The following HCN1 variants were observed in gnomAD, a reference collection of about 807,000 sequenced individuals.
HCN1 encodes potassium/sodium hyperpolarization-activated cyclic nucleotide-gated channel 1.
Under a neutral mutation model 78.9 loss-of-function variants are expected in HCN1, and 13 were observed. The ratio of observed to expected loss-of-function variants is 0.16; its 90% confidence interval spans 0.11 to 0.26. The LOEUF (loss-of-function observed/expected upper bound fraction) is 0.26, where lower values mean the gene tolerates loss of function less well. HCN1 is among the 10% of genes least tolerant of loss of function. The pLI is 1.00. For missense variants in HCN1, 810 were observed against 1,154.3 expected, an observed-to-expected ratio of 0.70 and a Z score of 4.32; for synonymous variants, 552 against 455.5, an observed-to-expected ratio of 1.21 and a Z score of -2.70.
chr5:45,608,630 T>C (rs1561218585), intron 2 of HCN1, among the ~76,000 whole-genome samples: 1 of 151,992 alleles, frequency 6.6e-6, no homozygotes, highest in Non-Finnish European at 1.5e-5. Context: ...TTACACAGTA[T>C]ATGAAAATCA....
At chr5:45,343,862 TA>T (rs556971160) in intron 5 of HCN1, among the ~76,000 whole-genome samples, 316 of 151,350 alleles carry the variant, frequency 2.1e-3, no homozygotes, top group Middle Eastern at 3.4e-3. Context: ...AAATTAAAAA[TA>T]AAAAAAATAT....
chr5:45,583,083 T>C lies in HCN1; in HGVS notation c.849+62102A>G, dbSNP rs540711691. Among the ~76,000 whole-genome samples, 9 of 152,292 alleles carry C rather than the reference T, an allele frequency of 5.9e-5. No individual in the cohort carries two copies. In the Middle Eastern group the frequency reaches 0.01, roughly 173 times the overall value. On this transcript the variant is annotated intron_variant, in intron 2 of 7. Coordinates refer to ENST00000303230, the MANE Select transcript of HCN1 (RefSeq NM_021072.4). ...TTCCCTCTTTGTCTATTGATTGGAA[T>C]AGTTTCAGAAGGAATGGTACCAGCT...
At chr5:45,366,801 C>A (rs1250940301) in intron 4 of HCN1, among the ~76,000 whole-genome samples, 1 of 151,696 alleles carries the variant, frequency 6.6e-6, no homozygotes, top group African/African-American at 2.4e-5. Context: ...AAAATTCTAA[C>A]AAAGATATTC....
chr5:45,291,120 C>G lies in HCN1; in HGVS notation c.1618+12479G>C, dbSNP rs955683356. On this transcript the variant is annotated intron_variant, in intron 6 of 7. Transcript: ENST00000303230. ...GAGGTCATATCTTAGACTTTGTTAT[C>G]ACCAATAGCTTAACTAATTCCAAAA... 9.9e-5 allele frequency among the ~76,000 whole-genome samples: 15 copies of G among 151,914 alleles called. 1 individual carries two copies. The highest frequency in any genetic ancestry group is 3.6e-4 in the African/African-American group (15 of 41,388).
intron 4 of HCN1, among the ~76,000 whole-genome samples, chr5:45,367,486 T>C (rs1346881989): frequency 1.3e-5 from 2 of 151,874 alleles, no homozygotes; most frequent in South Asian, 2.1e-4. Flanking sequence ...TGCTTTGAAT[T>C]TGATAGCAAC....
intron 2 of HCN1, among the ~76,000 whole-genome samples, chr5:45,472,671 T>C (rs1741416685): frequency 6.6e-6 from 1 of 151,062 alleles, no homozygotes; most frequent in South Asian, 2.1e-4. Context: ...GAGATCCCAG[T>C]TCAGAAACAT....
intron 4 of HCN1, among the ~76,000 whole-genome samples, chr5:45,380,537 C>T (rs189759255): frequency 6.6e-6 from 1 of 152,034 alleles, no homozygotes; most frequent in Admixed American, 6.6e-5. Flanking sequence ...TTCTGGGTTA[C>T]TAAATATGTT....
intron 2 of HCN1, among the ~76,000 whole-genome samples, chr5:45,613,005 CT>C (rs1188603419): frequency 6.6e-6 from 1 of 151,988 alleles, no homozygotes; most frequent in Non-Finnish European, 1.5e-5. Context: ...GGAAGGAATT[CT>C]TTTTTTTATT....
intron 4 of HCN1, among the ~76,000 whole-genome samples, chr5:45,384,853 T>C (rs979014315): frequency 3.3e-5 from 5 of 152,172 alleles, no homozygotes; most frequent in Admixed American, 2.6e-4. Flanking sequence ...GTTAGAGGTA[T>C]AAATGTGGAA....
At chr5:45,587,608 T>C (rs574958737) in intron 2 of HCN1, among the ~76,000 whole-genome samples, 1 of 150,788 alleles carries the variant, frequency 6.6e-6, no homozygotes, top group South Asian at 2.1e-4. Flanking sequence ...AAATGACGAG[T>C]GAATGGGTGC....
chr5:45,339,344 A>G (rs985857870), intron 5 of HCN1, among the ~76,000 whole-genome samples: 6 of 152,202 alleles, frequency 3.9e-5, no homozygotes, highest in African/African-American at 1.4e-4. Flanking sequence ...GGTAACTTAT[A>G]AATGGTAAAA....
chr5:45,623,879 G>A (rs1046719003), intron 2 of HCN1, among the ~76,000 whole-genome samples: 1 of 152,192 alleles, frequency 6.6e-6, no homozygotes, highest in Non-Finnish European at 1.5e-5. Flanking sequence ...TTTATATAAA[G>A]TAGTCAAGGA....
At chr5:45,652,014 A>G (rs1314405828) in intron 1 of HCN1, among the ~76,000 whole-genome samples, 2 of 151,992 alleles carry the variant, frequency 1.3e-5, no homozygotes, top group Admixed American at 6.6e-5. Flanking sequence ...ATGTCTTCCA[A>G]TAAACTAGCA....
chr5:45,594,928 T>C (rs769467511), intron 2 of HCN1, among the ~76,000 whole-genome samples: 4 of 152,134 alleles, frequency 2.6e-5, no homozygotes, highest in African/African-American at 7.2e-5. Context: ...CTGTGGAGTG[T>C]TTGAGTTAAA....
At chr5:45,688,486 C>T (rs1304964877) in intron 1 of HCN1, among the ~76,000 whole-genome samples, 1 of 151,968 alleles carries the variant, frequency 6.6e-6, no homozygotes, top group African/African-American at 2.4e-5. Flanking sequence ...CCAGGTATTA[C>T]TGTAGGAAAA....
At chr5:45,293,815 C>T (rs952500289) in intron 6 of HCN1, among the ~76,000 whole-genome samples, 1 of 151,882 alleles carries the variant, frequency 6.6e-6, no homozygotes, top group African/African-American at 2.4e-5. Flanking sequence ...AGCAAAGCTT[C>T]AGCTTGTGAT....
intron 7 of HCN1, among the ~76,000 whole-genome samples, chr5:45,266,704 A>ACTTTT (rs1554014620): frequency 3.7e-5 from 5 of 136,636 alleles, no homozygotes; most frequent in Non-Finnish European, 1.6e-5. Flanking sequence ...GGCATGTGGG[A>ACTTTT]TTTTTTTTTT....
chr5:45,516,932 TC>T (rs1742526474), intron 2 of HCN1, among the ~76,000 whole-genome samples: 1 of 151,966 alleles, frequency 6.6e-6, no homozygotes, highest in African/African-American at 2.4e-5. Context: ...TAAAAAAAAT[TC>T]TTCTGCTAAG....
intron 3 of HCN1, among the ~76,000 whole-genome samples, chr5:45,460,591 G>T (rs1281831640): frequency 3.3e-5 from 5 of 152,000 alleles, no homozygotes; most frequent in African/African-American, 1.2e-4. Flanking sequence ...AGGTGGTCAG[G>T]AGAGCTCTTT....
Sources: allele counts gnomAD v4.1 joint callset (sites outside exome capture counted in the v4.1 genomes callset), GRCh38; gene constraint gnomAD v4.1.1; transcripts MANE v1.5; gene names NCBI Gene and HGNC (gene_info 2026-07-23, HGNC 2026-07-21).